Variants in EXT1 observed in about 807,000 individuals in gnomAD.
The protein encoded by EXT1 is exostosin glycosyltransferase 1.
A neutral mutation model predicts 82.5 loss-of-function variants in EXT1; 20 were observed. That is an observed-to-expected ratio of 0.24 (90% CI 0.17 to 0.35). The LOEUF (loss-of-function observed/expected upper bound fraction) is 0.35, where lower values mean the gene tolerates loss of function less well. Among genes scored for constraint, EXT1 ranks in the 10% least tolerant of loss-of-function variants. The pLI, the probability that EXT1 is intolerant of heterozygous loss-of-function variation, is 1.00. For synonymous variants in EXT1, 348 were observed against 350.8 expected (o/e 0.99, Z 0.09); for missense variants, 757 against 936.5 (o/e 0.81, Z 2.50).
rs745708264 is a variant in EXT1, at chr8:117,804,701, AG to A, written c.2055+20del. The A allele has an allele frequency of 1.9e-6, 3 of 1,613,752 alleles. No individual in the cohort carries two copies. Among genetic ancestry groups the A allele is most frequent in the Non-Finnish European group, 2.5e-6 (3 of 1,179,720 alleles). On this transcript the variant is annotated intron_variant, in intron 10 of 10. Transcript: ENST00000378204. ...AACCACCAGTGAGTGAAGCAAGGGA[AG>A]AGGGCTCTTCTATACTTACCTGTCC...
intron 1 of EXT1, among the ~76,000 whole-genome samples, chr8:117,858,270 C>A (rs1481910627): frequency 6.6e-6 from 1 of 152,192 alleles, no homozygotes; most frequent in East Asian, 1.9e-4. Context: ...AAAATGCTAT[C>A]AAACAGCATT....
At chr8:117,803,842 A>G (rs1430123804) in intron 10 of EXT1, among the ~76,000 whole-genome samples, 1 of 152,198 alleles carries the variant, frequency 6.6e-6, no homozygotes, top group Non-Finnish European at 1.5e-5. Context: ...CAACCCTGTA[A>G]GGTAGATTTC....
intron 1 of EXT1, among the ~76,000 whole-genome samples, chr8:117,840,078 AT>A (rs1812249935): frequency 6.6e-6 from 1 of 152,228 alleles, no homozygotes; most frequent in Admixed American, 6.5e-5. Flanking sequence ...TCATAAAAAC[AT>A]TTTAAGTCTC....
chr8:117,858,796 AAGGCAAGGCAAGGC>A (rs1350533830), intron 1 of EXT1, among the ~76,000 whole-genome samples: 4 of 93,620 alleles, frequency 4.3e-5, no homozygotes, highest in African/African-American at 2.2e-4. Context: ...CAGGCAAGGC[AAGGCAAGGCAAGGC>A]AGGAAGGAAG....
intron 1 of EXT1, among the ~76,000 whole-genome samples, chr8:117,837,696 T>G (rs1812209941): frequency 6.6e-6 from 1 of 152,194 alleles, no homozygotes; most frequent in Admixed American, 6.5e-5. Flanking sequence ...ATTTGTCTTC[T>G]CTTTCAAGAT....
chr8:117,948,046 C>T (rs1184391979), intron 1 of EXT1, among the ~76,000 whole-genome samples: 3 of 152,084 alleles, frequency 2.0e-5, no homozygotes, highest in Admixed American at 6.6e-5. Flanking sequence ...ATCAGTCCAT[C>T]AACACTCTGA....
chr8:117,982,279 T>G (rs1432664846), intron 1 of EXT1, among the ~76,000 whole-genome samples: 1 of 152,116 alleles, frequency 6.6e-6, no homozygotes, highest in Non-Finnish European at 1.5e-5. Flanking sequence ...TGCCCATCAG[T>G]CAGGGTCACT....
intron 1 of EXT1, among the ~76,000 whole-genome samples, chr8:118,050,607 T>G (rs1335061164): frequency 2.0e-5 from 3 of 152,140 alleles, no homozygotes; most frequent in Admixed American, 6.5e-5. Context: ...AGCAGGAGAG[T>G]GGCCAGAGAC....
intron 1 of EXT1, among the ~76,000 whole-genome samples, chr8:117,904,461 C>T (rs1227304015): frequency 6.6e-6 from 1 of 152,144 alleles, no homozygotes; most frequent in Non-Finnish European, 1.5e-5. Context: ...AAGGCATAAA[C>T]ATACCTATTG....
intron 1 of EXT1, among the ~76,000 whole-genome samples, chr8:118,054,191 C>T (rs1816759659): frequency 6.6e-6 from 1 of 152,150 alleles, no homozygotes; most frequent in African/African-American, 2.4e-5. Flanking sequence ...TCATTTCTAC[C>T]ATTTTCACCA....
At chr8:117,987,733 C>A (rs1815350148) in intron 1 of EXT1, among the ~76,000 whole-genome samples, 2 of 152,152 alleles carry the variant, frequency 1.3e-5, no homozygotes, top group Admixed American at 1.3e-4. Context: ...CATGTAATAT[C>A]ACCACATAAG....
chr8:117,848,788 C>T (rs1812406962), intron 1 of EXT1, among the ~76,000 whole-genome samples: 1 of 152,134 alleles, frequency 6.6e-6, no homozygotes, highest in African/African-American at 2.4e-5. Context: ...CAACAGAAAC[C>T]ATACTCTGGT....
intron 9 of EXT1, among the ~76,000 whole-genome samples, chr8:117,806,263 A>G (rs1310749708): frequency 6.6e-6 from 1 of 152,212 alleles, no homozygotes; most frequent in Non-Finnish European, 1.5e-5. Flanking sequence ...TGCATAAAAG[A>G]AAAGCCGGAT....
intron 1 of EXT1, among the ~76,000 whole-genome samples, chr8:118,081,414 A>G (rs1817326639): frequency 6.6e-6 from 1 of 152,234 alleles, no homozygotes; most frequent in South Asian, 2.1e-4. Flanking sequence ...TATACTATGC[A>G]TAGATAACTG....
chr8:117,892,009 G>A (rs889931396), intron 1 of EXT1, among the ~76,000 whole-genome samples: 2 of 151,846 alleles, frequency 1.3e-5, no homozygotes, highest in Non-Finnish European at 2.9e-5. Context: ...GTTTCACCAT[G>A]TTGGTCAGGC....
chr8:117,847,691 G>A (rs1237096622), intron 1 of EXT1, among the ~76,000 whole-genome samples: 1 of 152,120 alleles, frequency 6.6e-6, no homozygotes, highest in Non-Finnish European at 1.5e-5. Context: ...ACCAATGTCT[G>A]ACCACTTCCC....
rs1817887470 is a variant in EXT1, at chr8:118,110,839, GA to G, written c.207del (p.Gln70AsnfsTer66). ...ACGCTGGAATCCTCGTTTTCCAATTGATCCCAAGGAACGAAGGGGCGCAGAG... is the reference window on the plus strand; with the variant it reads ...ACGCTGGAATCCTCGTTTTCCAATTGTCCCAAGGAACGAAGGGGCGCAGAG... Reference protein sequence around the residue: ...PDALRPFVPWDQLENEDSSVH... With the variant: ...PDALRPFVPWXQLENEDSSVH... On this transcript the variant is annotated frameshift_variant, in exon 1 of 11. Coordinates refer to ENST00000378204, the MANE Select transcript of EXT1 (RefSeq NM_000127.3). LOFTEE classifies it high-confidence loss of function. The G allele has an allele frequency of 6.2e-7, 1 of 1,612,376 alleles. No individual in the cohort carries two copies. Among genetic ancestry groups the G allele is most frequent in the Admixed American group, 1.7e-5 (1 of 59,880 alleles).
In EXT1 at chr8:117,851,616, G is replaced by GACACACACACACACAC. The variant is rs35686154; in HGVS notation, c.963-14431_963-14416dup. 6.0e-3 allele frequency among the ~76,000 whole-genome samples: 889 copies of GACACACACACACACAC among 147,996 alleles called. 35 individuals are homozygous for GACACACACACACACAC. The East Asian group carries it at 0.098, about 16-fold the overall frequency. ...CTAAGAAAGCAGTGCAATTTAGCTGGACACACACACACACACACACACACA... is the reference window on the plus strand; with the variant it reads ...CTAAGAAAGCAGTGCAATTTAGCTGGACACACACACACACACACACACACACACACACACACACACA... On this transcript the variant is annotated intron_variant, in intron 1 of 10. Coordinates refer to ENST00000378204, the MANE Select transcript of EXT1 (RefSeq NM_000127.3).
At chr8:118,038,372 T>C (rs1473188307) in intron 1 of EXT1, among the ~76,000 whole-genome samples, 2 of 152,198 alleles carry the variant, frequency 1.3e-5, no homozygotes, top group African/African-American at 4.8e-5. Flanking sequence ...ATTTGCCTAT[T>C]TGTGGAGCAC....
Sources: allele counts gnomAD v4.1 joint callset (sites outside exome capture counted in the v4.1 genomes callset), GRCh38; gene constraint gnomAD v4.1.1; transcripts MANE v1.5; gene names NCBI Gene and HGNC (gene_info 2026-07-23, HGNC 2026-07-21).